The following POLD3 variants were observed in gnomAD, a reference collection of about 807,000 sequenced individuals.
POLD3 encodes the protein DNA polymerase delta 3, accessory subunit.
In POLD3, 19 loss-of-function variants were observed where a neutral mutation model predicts 58.2. The observed-to-expected ratio is 0.33, with a 90% CI of 0.23 to 0.48. The LOEUF is 0.48. POLD3 is among the 20% of genes least tolerant of loss of function. The pLI, the probability that POLD3 is intolerant of heterozygous loss-of-function variation, is 0.99. For missense variants in POLD3, 504 were observed against 545.5 expected, an observed-to-expected ratio of 0.92 and a Z score of 0.76; for synonymous variants, 172 against 193.5, an observed-to-expected ratio of 0.89 and a Z score of 0.92.
At chr11:74,640,434 A>G (rs2032880097) in intron 11 of POLD3, 130 bp from the exon 12 acceptor site, 1 of 1,099,094 alleles carries the variant, frequency 9.1e-7, no homozygotes, top group Non-Finnish European at 1.2e-6. Flanking sequence ...TGGGAGAAAG[A>G]TTGAGTCCTA....
chr11:74,606,144 C>G (rs1188006250), intron 3 of POLD3, among the ~76,000 whole-genome samples: 4 of 152,344 alleles, frequency 2.6e-5, no homozygotes, highest in Non-Finnish European at 5.9e-5. Flanking sequence ...TCCTTATACT[C>G]TCTAGCCAAC....
At chr11:74,599,416 A>G (rs201506337) in intron 2 of POLD3, among the ~76,000 whole-genome samples, 12 of 147,158 alleles carry the variant, frequency 8.2e-5, no homozygotes, top group East Asian at 2.0e-4. Context: ...CCTAGGCCGG[A>G]GTGCAGTGGC....
intron 2 of POLD3, among the ~76,000 whole-genome samples, chr11:74,598,890 T>A (rs1416339732): frequency 6.6e-6 from 1 of 152,182 alleles, no homozygotes; most frequent in East Asian, 1.9e-4. Context: ...GCTCTACTTC[T>A]CAATGAGAGA....
intron 9 of POLD3, among the ~76,000 whole-genome samples, chr11:74,630,629 C>A (rs2032563647): frequency 6.6e-6 from 1 of 152,132 alleles, no homozygotes; most frequent in African/African-American, 2.4e-5. Flanking sequence ...ATGCTTTGGC[C>A]AAGGCTGCTG....
chr11:74,612,597 T>C (rs1217851123), intron 4 of POLD3, among the ~76,000 whole-genome samples: 1 of 152,226 alleles, frequency 6.6e-6, no homozygotes, highest in Non-Finnish European at 1.5e-5. Flanking sequence ...AAGATCATCG[T>C]AGTCATCATC....
Position 74,612,879 on chromosome 11 carries a change from A to G in POLD3, c.261A>G (p.Ala87=). Residue 87 remains alanine (A), a splice_region_variant and synonymous_variant, in exon 5 of 12, where the codon GCA becomes GCG. Transcript: ENST00000263681. Reference sequence around the variant, plus strand: ...ACTGCTTTTCCTGTTGACTTGTAGCAGTGAAGTCCAAGCTAGCTGTGACTG... The same window carrying G: ...ACTGCTTTTCCTGTTGACTTGTAGCGGTGAAGTCCAAGCTAGCTGTGACTG... ...VAVVREDKLE[A]VKSKLAVTAS... 1 of 1,607,556 alleles carries G rather than the reference A, an allele frequency of 6.2e-7. No individual in the cohort carries two copies. Among genetic ancestry groups the G allele is most frequent in the Non-Finnish European group, 8.5e-7 (1 of 1,177,984 alleles).
intron 4 of POLD3, among the ~76,000 whole-genome samples, chr11:74,656,800 A>G (rs747710178): frequency 9.3e-5 from 14 of 150,436 alleles, no homozygotes; most frequent in African/African-American, 9.8e-5. Context: ...CATATGGTCT[A>G]TCCTTGAAAA....
chr11:74,668,012 T>C (rs1172321280), intron 4 of POLD3, among the ~76,000 whole-genome samples: 2 of 152,128 alleles, frequency 1.3e-5, no homozygotes, highest in Non-Finnish European at 2.9e-5. Flanking sequence ...GAAATGTAAA[T>C]CAAAATCTCA....
intron 4 of POLD3, among the ~76,000 whole-genome samples, chr11:74,656,496 A>C (rs975696505): frequency 6.6e-6 from 1 of 152,154 alleles, no homozygotes; most frequent in Non-Finnish European, 1.5e-5. Context: ...CTGAGTCAGG[A>C]GAATCGCTTG....
chr11:74,629,288 T>C lies in POLD3; in HGVS notation c.971T>C (p.Ile324Thr). 2 of 1,605,654 alleles carry C rather than the reference T, an allele frequency of 1.2e-6. No homozygotes were observed. The highest frequency in any genetic ancestry group is 1.7e-6 in the Non-Finnish European group (2 of 1,173,808). Residue 324 changes from isoleucine to threonine, a missense_variant, in exon 9 of 12, where the codon ATC becomes ACC. Physicochemically the swap from Ile to Thr is moderately conservative, Grantham distance 89. Coordinates refer to ENST00000263681, the MANE Select transcript of POLD3 (RefSeq NM_006591.3). ...AACATGAGGAAAAAGAGGAGAAGAA[T>C]CAAACTTCCTGAATCTGATAGCAGT... ...TENMRKKRRR[I>T]KLPESDSSED...
intron 2 of POLD3, chr11:74,595,001 G>A (rs933620207): frequency 6.6e-6 from 1 of 152,156 alleles, no homozygotes; most frequent in Non-Finnish European, 1.5e-5. Context: ...TGGAATTGCT[G>A]GGTCATGAGA....
chr11:74,638,554 T>C, intron 11 of POLD3: 1 of 450,440 alleles, frequency 2.2e-6, no homozygotes, highest in South Asian at 1.6e-5. Flanking sequence ...TTCAGACTTT[T>C]CTAATTTAAG....
At position 74,636,295 on chromosome 11, in the gene POLD3, C is replaced by T. The variant is rs371149382; in HGVS notation, c.1198+20C>T. 6.2e-7 allele frequency: 1 copy of T among 1,610,950 alleles called. No individual in the cohort carries two copies. The highest frequency in any genetic ancestry group is 1.3e-5 in the African/African-American group (1 of 74,712). On this transcript the variant is annotated intron_variant, in intron 11 of 11. Transcript: ENST00000263681. ...GCATAGGTAAGACAAATATTTGGCT[C>T]CAAATCCAGAGATAGAATCTCTTAT...
At chr11:74,659,343 C>T (rs1190810379) in intron 4 of POLD3, among the ~76,000 whole-genome samples, 1 of 152,112 alleles carries the variant, frequency 6.6e-6, no homozygotes, top group Non-Finnish European at 1.5e-5. Flanking sequence ...GCCTCTGGGC[C>T]TGTGATGGGA....
chr11:74,636,584 G>C lies in POLD3; in HGVS notation c.1198+309G>C, dbSNP rs149037749. On this transcript the variant is annotated intron_variant, in intron 11 of 11. Coordinates refer to ENST00000263681, the MANE Select transcript of POLD3 (RefSeq NM_006591.3). ...TTTTGCCTAAATGTGCAGTTATGAA[G>C]ATTCAGGTGGCATAAATATATCCAA... Among the ~76,000 whole-genome samples the C allele has an allele frequency of 6.2e-3, 937 of 152,298 alleles. 4 individuals carry two copies. The highest frequency in any genetic ancestry group is 0.014 in the Middle Eastern group (4 of 294).
chr11:74,629,591 T>TTG (rs1565124730), intron 9 of POLD3, among the ~76,000 whole-genome samples: 1 of 151,780 alleles, frequency 6.6e-6, no homozygotes, highest in Non-Finnish European at 1.5e-5. Context: ...CTTTTCTTTT[T>TTG]TTTTTTTACT....
chr11:74,608,056 T>C (rs2135130717), intron 3 of POLD3, among the ~76,000 whole-genome samples: 1 of 152,344 alleles, frequency 6.6e-6, no homozygotes, highest in East Asian at 1.9e-4. Context: ...TTGGTTCTTT[T>C]TGTAATGTGA....
intron 6 of POLD3, among the ~76,000 whole-genome samples, chr11:74,619,165 G>C (rs1052101412): frequency 6.6e-6 from 1 of 152,112 alleles, no homozygotes; most frequent in African/African-American, 2.4e-5. Flanking sequence ...TATATTCTGG[G>C]CTTTGCAACA....
chr11:74,665,600 A>G (rs970647375), intron 4 of POLD3, among the ~76,000 whole-genome samples: 1 of 151,930 alleles, frequency 6.6e-6, no homozygotes, highest in African/African-American at 2.4e-5. Flanking sequence ...GGGTTTTGCC[A>G]TGCTGGCCAG....
Sources: allele counts gnomAD v4.1 joint callset (sites outside exome capture counted in the v4.1 genomes callset), GRCh38; gene constraint gnomAD v4.1.1; transcripts MANE v1.5; gene names NCBI Gene and HGNC (gene_info 2026-07-23, HGNC 2026-07-21).